The following COL14A1 variants were observed in gnomAD, a reference collection of about 807,000 sequenced individuals.
COL14A1 encodes the protein collagen type XIV alpha 1 chain, also known as collagen alpha-1(XIV) chain.
A neutral mutation model predicts 230.3 loss-of-function variants in COL14A1; 136 were observed. That is an observed-to-expected ratio of 0.59 (90% confidence interval 0.51 to 0.68). COL14A1 has a LOEUF of 0.68. COL14A1 is among the 30% of genes least tolerant of loss of function. COL14A1 has a pLI of 0.00. For missense variants in COL14A1, 1,976 were observed against 2,215.8 expected (o/e 0.89, Z 2.17); for synonymous variants, 792 against 784.1 (o/e 1.01, Z -0.17).
chr8:120,228,646 CA>C, intron 17 of COL14A1, 63 bp from the exon 18 acceptor site: 1 of 1,255,948 alleles, frequency 8.0e-7, no homozygotes, highest in Non-Finnish European at 1.2e-6. Context: ...TTGAAAGCTA[CA>C]ACATGCTATA....
At chr8:120,329,610 A>G (rs573829720) in intron 40 of COL14A1, among the ~76,000 whole-genome samples, 3 of 152,314 alleles carry the variant, frequency 2.0e-5, no homozygotes, top group African/African-American at 7.2e-5. Flanking sequence ...GTCTCAAAAA[A>G]AATAAAATAG....
At chr8:120,192,809 C>G (rs562659354) in intron 5 of COL14A1, among the ~76,000 whole-genome samples, 1,560 of 152,298 alleles carry the variant, frequency 0.01, 32 homozygotes, top group African/African-American at 0.036. Flanking sequence ...TCTTCCATCA[C>G]TGATACCCTT....
intron 42 of COL14A1, 27 bp from the exon 43 acceptor site, chr8:120,341,298 T>G: frequency 1.2e-6 from 2 of 1,613,100 alleles, no homozygotes; most frequent in Non-Finnish European, 1.7e-6. Context: ...ATATCATAAG[T>G]AACTTGACAA....
intron 40 of COL14A1, 106 bp downstream of exon 40, chr8:120,316,103 T>C: frequency 8.9e-7 from 1 of 1,126,848 alleles, no homozygotes; most frequent in Non-Finnish European, 1.3e-6. Flanking sequence ...CAGTTTTTGC[T>C]TTTTGTTTTC....
At chr8:120,230,035 C>T (rs908149195) in intron 18 of COL14A1, among the ~76,000 whole-genome samples, 9 of 152,120 alleles carry the variant, frequency 5.9e-5, no homozygotes, top group African/African-American at 1.7e-4. Flanking sequence ...CATGTGTCAT[C>T]GTGCCTGGCT....
At chr8:120,330,827 C>T (rs749644211) in intron 40 of COL14A1, among the ~76,000 whole-genome samples, 8 of 152,064 alleles carry the variant, frequency 5.3e-5, no homozygotes, top group South Asian at 2.1e-4. Flanking sequence ...GATTTTCTGT[C>T]GGGTGTGGTG....
chr8:120,340,772 A>G (rs1765132478), intron 42 of COL14A1, among the ~76,000 whole-genome samples: 2 of 152,214 alleles, frequency 1.3e-5, no homozygotes, highest in Admixed American at 6.5e-5. Flanking sequence ...GTGAGCTCCC[A>G]TATTGGGGAG....
intron 5 of COL14A1, among the ~76,000 whole-genome samples, chr8:120,170,552 C>G (rs756556512): frequency 1.4e-4 from 22 of 151,976 alleles, no homozygotes; most frequent in Admixed American, 3.9e-4. Flanking sequence ...TATTTTATTA[C>G]TTAAATGTGG....
intron 24 of COL14A1, among the ~76,000 whole-genome samples, chr8:120,265,641 A>ATGTG (rs139005711): frequency 1.0e-4 from 15 of 150,412 alleles, no homozygotes; most frequent in African/African-American, 2.9e-4. Context: ...AGGTATATAT[A>ATGTG]TGTGTGTGTG....
intron 1 of COL14A1, among the ~76,000 whole-genome samples, chr8:120,142,087 A>G (rs1340118220): frequency 6.6e-6 from 1 of 152,078 alleles, no homozygotes; most frequent in Non-Finnish European, 1.5e-5. Flanking sequence ...TTTTTCTCCA[A>G]AAAGACAAAC....
chr8:120,275,735 C>G (rs535706579), intron 26 of COL14A1, among the ~76,000 whole-genome samples: 2 of 151,984 alleles, frequency 1.3e-5, no homozygotes, highest in Admixed American at 6.6e-5. Context: ...GAAAAATGCT[C>G]AACATCACTA....
intron 8 of COL14A1, among the ~76,000 whole-genome samples, chr8:120,201,671 G>GA (rs993588164): frequency 3.3e-5 from 5 of 151,064 alleles, no homozygotes; most frequent in Non-Finnish European, 7.4e-5. Context: ...AGTTATCAAT[G>GA]AAAAAAAAAC....
At chr8:120,194,493 T>A (rs1459216421) in intron 5 of COL14A1, among the ~76,000 whole-genome samples, 1 of 152,206 alleles carries the variant, frequency 6.6e-6, no homozygotes, top group African/African-American at 2.4e-5. Flanking sequence ...TTAAACATTT[T>A]TAGTCTTATT....
chr8:120,151,823 G>A (rs1218984672), intron 2 of COL14A1, among the ~76,000 whole-genome samples: 1 of 152,006 alleles, frequency 6.6e-6, no homozygotes, highest in East Asian at 1.9e-4. Context: ...TGGATTTTCT[G>A]GGTGGGCCCA....
intron 44 of COL14A1, 149 bp downstream of exon 44, chr8:120,342,595 C>G: frequency 2.7e-6 from 2 of 733,986 alleles, no homozygotes; most frequent in South Asian, 1.7e-5. Context: ...CATCACTGAC[C>G]CATCAAAGAG....
At position 120,353,717 on chromosome 8, in the gene COL14A1, T is replaced by C. The variant is rs1327368539; in HGVS notation, c.5077+8154T>C. ...TACCATCTCACACCAGTTAGAATGG[T>C]AATCATTAAAAAGTCAGGAAACAAC... On this transcript the variant is annotated intron_variant, in intron 45 of 47. Coordinates refer to ENST00000297848, the MANE Select transcript of COL14A1 (RefSeq NM_021110.4). 5.7e-4 allele frequency among the ~76,000 whole-genome samples: 85 copies of C among 149,438 alleles called. 1 individual carries two copies. The South Asian group carries it at 0.016, about 28-fold the overall frequency.
In COL14A1 at chr8:120,297,496, C is replaced by G. The variant is rs769917993; in HGVS notation, c.4237-15C>G. On this transcript the variant is annotated splice_polypyrimidine_tract_variant and intron_variant, in intron 34 of 47. Coordinates refer to ENST00000297848, the MANE Select transcript of COL14A1 (RefSeq NM_021110.4). ...ATATATTTTATTGAATGACAATTTTCTTTTTAAATCATAGTTCCAGTTACA... is the reference window on the plus strand; with the variant it reads ...ATATATTTTATTGAATGACAATTTTGTTTTTAAATCATAGTTCCAGTTACA... 4.4e-5 allele frequency: 61 copies of G among 1,387,588 alleles called. No homozygotes were observed. The highest frequency in any genetic ancestry group is 5.5e-5 in the Non-Finnish European group (58 of 1,053,496). 86.0% of individuals were successfully genotyped at this position (1,387,588 alleles called of 1,614,324 possible).
intron 5 of COL14A1, among the ~76,000 whole-genome samples, chr8:120,175,416 T>C (rs1816248684): frequency 6.6e-6 from 1 of 152,188 alleles, no homozygotes; most frequent in Non-Finnish European, 1.5e-5. Flanking sequence ...ATTTTTAAAA[T>C]TAAGATCACC....
chr8:120,321,730 C>T (rs1821451703), intron 40 of COL14A1, among the ~76,000 whole-genome samples: 1 of 152,012 alleles, frequency 6.6e-6, no homozygotes, highest in Non-Finnish European at 1.5e-5. Flanking sequence ...CACCCTGGTT[C>T]TAACACTGTC....
Sources: gnomAD v4.1 joint callset for allele counts (sites outside exome capture counted in the v4.1 genomes callset) on GRCh38, gnomAD v4.1.1 for gene constraint, MANE v1.5 for transcripts, NCBI Gene and HGNC (gene_info 2026-07-23, HGNC 2026-07-21) for gene names.